Variants in HS6ST3 observed in about 807,000 individuals in gnomAD.
The protein encoded by HS6ST3 is heparan sulfate 6-O-sulfotransferase 3.
In HS6ST3, 12 loss-of-function variants were observed where a neutral mutation model predicts 36.7. The observed-to-expected ratio is 0.33, with a 90% confidence interval of 0.21 to 0.53. The LOEUF (loss-of-function observed/expected upper bound fraction) is 0.53, where lower values mean the gene tolerates loss of function less well. HS6ST3 is among the 20% of genes least tolerant of loss of function. HS6ST3 has a pLI of 0.95. For synonymous variants in HS6ST3, 240 were observed against 257.5 expected (o/e 0.93, Z 0.65); for missense variants, 584 against 640.9 (o/e 0.91, Z 0.96).
At chr13:96,368,860 T>C (rs541520192) in intron 1 of HS6ST3, among the ~76,000 whole-genome samples, 1 of 152,170 alleles carries the variant, frequency 6.6e-6, no homozygotes, top group East Asian at 1.9e-4. Flanking sequence ...CACATGCCGA[T>C]GTTTATTATA....
chr13:96,389,700 G>T (rs536115776), intron 1 of HS6ST3, among the ~76,000 whole-genome samples: 2 of 152,192 alleles, frequency 1.3e-5, no homozygotes, highest in Middle Eastern at 6.8e-3. Context: ...ATGGATAAAA[G>T]ACTATTAGAA....
At chr13:96,421,346 AT>A (rs1041402647) in intron 1 of HS6ST3, among the ~76,000 whole-genome samples, 51 of 152,274 alleles carry the variant, frequency 3.3e-4, no homozygotes, top group African/African-American at 1.2e-3. Flanking sequence ...AAATTTAGTT[AT>A]TGTCAATGCC....
intron 1 of HS6ST3, among the ~76,000 whole-genome samples, chr13:96,263,100 T>G (rs2054674507): frequency 6.6e-6 from 1 of 152,208 alleles, no homozygotes; most frequent in Admixed American, 6.5e-5. Flanking sequence ...TTTGAAGTAA[T>G]GATGAATATA....
chr13:96,632,747 G>C (rs991520041), intron 1 of HS6ST3, among the ~76,000 whole-genome samples: 3 of 152,162 alleles, frequency 2.0e-5, no homozygotes, highest in Non-Finnish European at 4.4e-5. Context: ...ATGAGTCACT[G>C]TTTTGCAGCA....
intron 1 of HS6ST3, among the ~76,000 whole-genome samples, chr13:96,532,544 C>G (rs1361660162): frequency 2.6e-5 from 4 of 152,102 alleles, no homozygotes; most frequent in Non-Finnish European, 5.9e-5. Flanking sequence ...AAGCAGGACT[C>G]AAAGAAGGTG....
At chr13:96,536,865 A>C (rs1271041670) in intron 1 of HS6ST3, among the ~76,000 whole-genome samples, 2 of 152,166 alleles carry the variant, frequency 1.3e-5, no homozygotes, top group Non-Finnish European at 1.5e-5. Context: ...CCAACAGCCC[A>C]CTTTTTTGGG....
Position 96,101,599 on chromosome 13 carries a change from T to C in HS6ST3, c.707+10030T>C, listed in dbSNP as rs2053818647. On this transcript the variant is annotated intron_variant, in intron 1 of 1. Coordinates refer to ENST00000376705, the MANE Select transcript of HS6ST3 (RefSeq NM_153456.4). ...AAGAACCCTCAATTCACTGCTTGAA[T>C]TCTGAGAGTCAAAATGCCATCAGCA... Among the ~76,000 whole-genome samples the C allele has an allele frequency of 2.0e-5, 3 of 152,050 alleles. No individual in the cohort carries two copies. The South Asian group carries it at 6.2e-4, about 32-fold the overall frequency.
intron 1 of HS6ST3, among the ~76,000 whole-genome samples, chr13:96,510,794 C>G (rs1343575728): frequency 1.3e-5 from 2 of 152,134 alleles, no homozygotes; most frequent in Non-Finnish European, 2.9e-5. Flanking sequence ...GATAAGCATT[C>G]TAACGTGTTT....
intron 1 of HS6ST3, among the ~76,000 whole-genome samples, chr13:96,591,209 C>CT (rs1353099978): frequency 2.6e-5 from 4 of 151,788 alleles, no homozygotes; most frequent in Non-Finnish European, 4.4e-5. Context: ...AATTTTAGGA[C>CT]TTTTTTTCTA....
At chr13:96,729,984 A>T (rs1245859574) in intron 1 of HS6ST3, among the ~76,000 whole-genome samples, 1 of 152,118 alleles carries the variant, frequency 6.6e-6, no homozygotes, top group African/African-American at 2.4e-5. Context: ...CAATTAAAGG[A>T]TTTTTATCCT....
At chr13:96,527,491 C>A (rs1455838404) in intron 1 of HS6ST3, among the ~76,000 whole-genome samples, 1 of 152,086 alleles carries the variant, frequency 6.6e-6, no homozygotes, top group African/African-American at 2.4e-5. Flanking sequence ...AATAAATACA[C>A]AATGTAACTC....
chr13:96,674,307 C>A (rs2056691905), intron 1 of HS6ST3, among the ~76,000 whole-genome samples: 2 of 152,126 alleles, frequency 1.3e-5, no homozygotes, highest in African/African-American at 4.8e-5. Flanking sequence ...GCTTCCTGTA[C>A]AGCCTGTGGA....
chr13:96,652,923 A>C (rs1411986798), intron 1 of HS6ST3, among the ~76,000 whole-genome samples: 1 of 152,136 alleles, frequency 6.6e-6, no homozygotes, highest in Non-Finnish European at 1.5e-5. Context: ...TTATTTTGTC[A>C]CAAAATTCAA....
chr13:96,217,616 C>G (rs1285415661), intron 1 of HS6ST3, among the ~76,000 whole-genome samples: 1 of 152,122 alleles, frequency 6.6e-6, no homozygotes, highest in Admixed American at 6.6e-5. Context: ...AATGAATAAA[C>G]TAAGTCACAG....
chr13:96,749,998 T>G (rs912486080), intron 1 of HS6ST3, among the ~76,000 whole-genome samples: 1 of 152,166 alleles, frequency 6.6e-6, no homozygotes, highest in Non-Finnish European at 1.5e-5. Context: ...TATTTGATAA[T>G]TAAATTGAAG....
At chr13:96,208,355 C>G (rs1204708901) in intron 1 of HS6ST3, among the ~76,000 whole-genome samples, 2 of 152,032 alleles carry the variant, frequency 1.3e-5, no homozygotes, top group South Asian at 2.1e-4. Context: ...TAGGCTGTGT[C>G]TAAATTTTTG....
At chr13:96,559,981 C>A (rs2056255913) in intron 1 of HS6ST3, among the ~76,000 whole-genome samples, 1 of 152,108 alleles carries the variant, frequency 6.6e-6, no homozygotes, top group African/African-American at 2.4e-5. Context: ...TAATTATTGT[C>A]ATCCTAATCA....
chr13:96,352,219 A>G (rs1423323281), intron 1 of HS6ST3, among the ~76,000 whole-genome samples: 1 of 152,234 alleles, frequency 6.6e-6, no homozygotes, highest in East Asian at 1.9e-4. Flanking sequence ...ACTTAAAACA[A>G]CAATTTATCT....
intron 1 of HS6ST3, among the ~76,000 whole-genome samples, chr13:96,640,967 T>C (rs1051202838): frequency 6.6e-6 from 1 of 152,058 alleles, no homozygotes; most frequent in African/African-American, 2.4e-5. Flanking sequence ...TACAGTATAG[T>C]CTGAAGTCAG....
Sources: gnomAD v4.1 joint callset for allele counts (sites outside exome capture counted in the v4.1 genomes callset) on GRCh38, gnomAD v4.1.1 for gene constraint, MANE v1.5 for transcripts, NCBI Gene and HGNC (gene_info 2026-07-23, HGNC 2026-07-21) for gene names.